Variants in CDH12 observed in about 807,000 individuals in gnomAD.
CDH12 encodes the protein cadherin-12.
Under a neutral mutation model 74.1 loss-of-function variants are expected in CDH12, and 41 were observed. The observed-to-expected ratio is 0.55, with a 90% CI of 0.43 to 0.72. CDH12 has a LOEUF of 0.72. Among genes scored for constraint, CDH12 ranks in the 30% least tolerant of loss-of-function variants. The pLI, the probability that CDH12 is intolerant of heterozygous loss-of-function variation, is 0.00. For synonymous variants in CDH12, 399 were observed against 355.0 expected (o/e 1.12, Z -1.39); for missense variants, 945 against 977.2 (o/e 0.97, Z 0.44).
At chr5:22,635,079 A>T (rs371976717) in intron 1 of CDH12, among the ~76,000 whole-genome samples, 22 of 152,214 alleles carry the variant, frequency 1.4e-4, no homozygotes, top group African/African-American at 5.3e-4. Context: ...GAGGATTCAC[A>T]TTTCCAATTT....
At chr5:22,131,083 C>T (rs1213979817) in intron 4 of CDH12, among the ~76,000 whole-genome samples, 5 of 151,940 alleles carry the variant, frequency 3.3e-5, no homozygotes, top group African/African-American at 9.7e-5. Flanking sequence ...TCCATTTTAT[C>T]CATTATAATT....
intron 2 of CDH12, among the ~76,000 whole-genome samples, chr5:22,415,370 T>A (rs988855227): frequency 2.6e-5 from 4 of 152,186 alleles, no homozygotes; most frequent in African/African-American, 9.7e-5. Context: ...GGCCACACAT[T>A]CTTCCCCCTT....
At chr5:22,647,254 T>C (rs532273939) in intron 1 of CDH12, among the ~76,000 whole-genome samples, 84 of 151,934 alleles carry the variant, frequency 5.5e-4, no homozygotes, top group African/African-American at 1.9e-3. Context: ...AGGAAGGTAA[T>C]GGTGTTACCT....
chr5:22,377,521 C>T (rs559215744), intron 3 of CDH12, among the ~76,000 whole-genome samples: 31 of 152,244 alleles, frequency 2.0e-4, no homozygotes, highest in African/African-American at 7.2e-4. Context: ...CAACCATACA[C>T]AAGTTGTCAT....
At chr5:22,633,992 C>T (rs1738709310) in intron 1 of CDH12, among the ~76,000 whole-genome samples, 1 of 151,932 alleles carries the variant, frequency 6.6e-6, no homozygotes, top group African/African-American at 2.4e-5. Flanking sequence ...GACCATATTG[C>T]TATAAAGCTT....
At chr5:22,135,524 T>A (rs1426741343) in intron 4 of CDH12, among the ~76,000 whole-genome samples, 1 of 152,064 alleles carries the variant, frequency 6.6e-6, no homozygotes, top group African/African-American at 2.4e-5. Context: ...TAATGAGGAC[T>A]GTTGAAGTCA....
At chr5:22,417,922 C>T (rs549833090) in intron 2 of CDH12, among the ~76,000 whole-genome samples, 2 of 152,224 alleles carry the variant, frequency 1.3e-5, no homozygotes, top group Admixed American at 6.5e-5. Context: ...TTTTGGGATA[C>T]CATACATGGG....
chr5:22,244,613 A>AGGAGGGAGGGAAGGAAGGGAG (rs1165052917), intron 3 of CDH12, among the ~76,000 whole-genome samples: 1 of 128,702 alleles, frequency 7.8e-6, no homozygotes, highest in Non-Finnish European at 1.6e-5. Context: ...AGAGAAAGGA[A>AGGAGGGAGGGAAGGAAGGGAG]GGAGGGAGGG....
intron 3 of CDH12, among the ~76,000 whole-genome samples, chr5:22,221,225 C>T (rs1752004996): frequency 6.6e-6 from 1 of 151,806 alleles, no homozygotes; most frequent in South Asian, 2.1e-4. Context: ...AACTTTATTA[C>T]AAAATTTCAA....
At chr5:22,799,605 G>A (rs1029847132) in intron 1 of CDH12, among the ~76,000 whole-genome samples, 7 of 152,068 alleles carry the variant, frequency 4.6e-5, no homozygotes, top group Admixed American at 2.0e-4. Context: ...TTAAAAATAC[G>A]TGTGCTCTTT....
chr5:22,243,255 G>T (rs931615018), intron 3 of CDH12, among the ~76,000 whole-genome samples: 12 of 151,620 alleles, frequency 7.9e-5, no homozygotes, highest in African/African-American at 2.7e-4. Context: ...TATTTCAATG[G>T]AAAAAAAATC....
At chr5:21,963,126 G>A (rs543166669) in intron 6 of CDH12, among the ~76,000 whole-genome samples, 1 of 147,434 alleles carries the variant, frequency 6.8e-6, no homozygotes, top group Non-Finnish European at 1.5e-5. Context: ...TAGATAGATA[G>A]AGAGATGATA....
At position 22,069,498 on chromosome 5, in the gene CDH12, G is replaced by A. The variant is rs550148382; in HGVS notation, c.231+8948C>T. Among the ~76,000 whole-genome samples the A allele has an allele frequency of 3.9e-5, 6 of 152,272 alleles. No individual in the cohort carries two copies. The South Asian group carries it at 1.0e-3, about 26-fold the overall frequency. ...GAGTGTGATACCACTATTACTCCTG[G>A]TGACATATTAGCAAAAATTTTGCTT... On this transcript the variant is annotated intron_variant, in intron 5 of 14. Coordinates refer to ENST00000382254, the MANE Select transcript of CDH12 (RefSeq NM_004061.5).
chr5:22,252,385 A>AC (rs1753166443), intron 3 of CDH12, among the ~76,000 whole-genome samples: 1 of 148,794 alleles, frequency 6.7e-6, no homozygotes, highest in African/African-American at 2.5e-5. Flanking sequence ...TATGTTCCAA[A>AC]CTTAAAAAAA....
At chr5:21,848,147 T>C (rs1399925271) in intron 7 of CDH12, among the ~76,000 whole-genome samples, 2 of 152,090 alleles carry the variant, frequency 1.3e-5, no homozygotes, top group Admixed American at 6.6e-5. Context: ...TGATGTAATT[T>C]TGAAGAAGGT....
At chr5:22,075,393 A>G (rs886224996) in intron 5 of CDH12, among the ~76,000 whole-genome samples, 2 of 151,780 alleles carry the variant, frequency 1.3e-5, no homozygotes, top group African/African-American at 4.8e-5. Flanking sequence ...GCACACCAAC[A>G]TGGCACATGT....
At chr5:22,690,891 C>T (rs1023480583) in intron 1 of CDH12, among the ~76,000 whole-genome samples, 1 of 152,104 alleles carries the variant, frequency 6.6e-6, no homozygotes, top group African/African-American at 2.4e-5. Context: ...AGGTCATGCA[C>T]CATCCTTTAT....
chr5:22,098,382 T>G (rs1436412322), intron 4 of CDH12, among the ~76,000 whole-genome samples: 1 of 152,182 alleles, frequency 6.6e-6, no homozygotes, highest in Non-Finnish European at 1.5e-5. Context: ...TAGGCATGGT[T>G]AGTGTGGTCA....
intron 1 of CDH12, among the ~76,000 whole-genome samples, chr5:22,666,650 C>T (rs1740641425): frequency 6.6e-6 from 1 of 152,062 alleles, no homozygotes. Flanking sequence ...TAACCTACTG[C>T]AAGAGTCCCG....
Sources: gnomAD v4.1 joint callset for allele counts (sites outside exome capture counted in the v4.1 genomes callset) on GRCh38, gnomAD v4.1.1 for gene constraint, MANE v1.5 for transcripts, NCBI Gene and HGNC (gene_info 2026-07-23, HGNC 2026-07-21) for gene names.